The following ARHGAP31 variants were observed in gnomAD, a reference collection of about 807,000 sequenced individuals.
The protein encoded by ARHGAP31 is rho GTPase-activating protein 31.
In ARHGAP31, 34 loss-of-function variants were observed where a neutral mutation model predicts 113.9. The observed-to-expected ratio is 0.30, with a 90% CI of 0.23 to 0.40. ARHGAP31 has a LOEUF of 0.40. ARHGAP31 is among the 10% of genes least tolerant of loss of function. ARHGAP31 has a pLI of 1.00. For missense variants in ARHGAP31, 1,548 were observed against 1,767.1 expected, an observed-to-expected ratio of 0.88 and a Z score of 2.22; for synonymous variants, 650 against 684.8, an observed-to-expected ratio of 0.95 and a Z score of 0.79.
At position 119,295,072 on chromosome 3, in the gene ARHGAP31, C is replaced by CTG. The variant is rs1221794504; in HGVS notation, c.100+68_100+69insTG. The CTG allele has an allele frequency of 4.1e-6, 6 of 1,460,738 alleles. 1 individual carries two copies. The highest frequency in any genetic ancestry group is 4.8e-6 in the Non-Finnish European group (5 of 1,042,602). 90.5% of individuals were successfully genotyped at this position (1,460,738 alleles called of 1,614,324 possible). ...TGTTTGAGGGAGAGACGGACTCTCT[C>CTG]GAGTTGTGATAGAGTCGGTTCACAA... On this transcript the variant is annotated intron_variant, in intron 1 of 11. Transcript: ENST00000264245.
intron 1 of ARHGAP31, among the ~76,000 whole-genome samples, chr3:119,312,100 G>T (rs2079688220): frequency 6.6e-6 from 1 of 152,230 alleles, no homozygotes; most frequent in Admixed American, 6.5e-5. Context: ...GAGTGGTGAA[G>T]ACAAATGTGT....
Position 119,390,801 on chromosome 3 carries a change from G to A in ARHGAP31, c.699G>A (p.Met233Ile), listed in dbSNP as rs367917628. 1.6e-5 allele frequency: 25 copies of A among 1,612,560 alleles called. No homozygotes were observed. The highest frequency in any genetic ancestry group is 2.1e-5 in the Non-Finnish European group (25 of 1,180,024). ...SLENDENRPI[M>I]KSLTLPALSL... Reference sequence around the variant, plus strand: ...CCTTTACAGAAAACCGGCCCATCATGAAGAGCCTGACCTTGCCAGCCCTCT... The same window carrying A: ...CCTTTACAGAAAACCGGCCCATCATAAAGAGCCTGACCTTGCCAGCCCTCT... Residue 233 changes from methionine to isoleucine, a missense_variant, in exon 7 of 12, where the codon ATG becomes ATA. By Grantham distance (10) the Met-to-Ile change is conservative. Coordinates refer to ENST00000264245, the MANE Select transcript of ARHGAP31 (RefSeq NM_020754.4).
At chr3:119,368,831 G>T (rs536718288) in intron 3 of ARHGAP31, among the ~76,000 whole-genome samples, 1 of 152,296 alleles carries the variant, frequency 6.6e-6, no homozygotes, top group Non-Finnish European at 1.5e-5. Context: ...TCTGGCCCAA[G>T]GTCACACAGC....
chr3:119,306,637 G>T (rs761409923), intron 1 of ARHGAP31, among the ~76,000 whole-genome samples: 8 of 152,330 alleles, frequency 5.3e-5, no homozygotes, highest in Non-Finnish European at 1.2e-4. Context: ...CTACCGAATG[G>T]GTTCCATAGT....
intron 2 of ARHGAP31, among the ~76,000 whole-genome samples, chr3:119,367,752 G>A (rs886842964): frequency 6.6e-6 from 1 of 151,732 alleles, no homozygotes; most frequent in African/African-American, 2.4e-5. Context: ...CAGCTACTCA[G>A]AGGCTGAGGC....
chr3:119,300,940 A>G (rs1291371595), intron 1 of ARHGAP31, among the ~76,000 whole-genome samples: 2 of 152,100 alleles, frequency 1.3e-5, no homozygotes, highest in East Asian at 3.9e-4. Context: ...GAGCTTGTGG[A>G]GCAAGAACAG....
chr3:119,375,809 T>C (rs115648338), intron 3 of ARHGAP31, among the ~76,000 whole-genome samples: 2,262 of 152,338 alleles, frequency 0.015, 60 homozygotes, highest in African/African-American at 0.051. Flanking sequence ...TGTCAGAATG[T>C]ATATTTAGTT....
chr3:119,303,235 G>GT (rs552598436), intron 1 of ARHGAP31, among the ~76,000 whole-genome samples: 180 of 152,332 alleles, frequency 1.2e-3, no homozygotes, highest in Middle Eastern at 3.4e-3. Flanking sequence ...GAAAACCAGT[G>GT]TTTGTGCCCT....
chr3:119,360,894 G>A (rs1272264853), intron 1 of ARHGAP31, among the ~76,000 whole-genome samples: 2 of 152,208 alleles, frequency 1.3e-5, no homozygotes, highest in African/African-American at 4.8e-5. Flanking sequence ...GTGTACCTCT[G>A]TAGGAGGAGA....
At position 119,417,276 on chromosome 3, in the gene ARHGAP31, A is replaced by G. The variant is rs918431893; in HGVS notation, c.*1012A>G. On this transcript the variant is annotated 3_prime_UTR_variant, in exon 12 of 12. Coordinates refer to ENST00000264245, the MANE Select transcript of ARHGAP31 (RefSeq NM_020754.4). Reference sequence around the variant, plus strand: ...TCTAGCTCAGCTTTACTCTTCTTCCACACTAGGCTGGGCCCAGCAATACAG... The same window carrying G: ...TCTAGCTCAGCTTTACTCTTCTTCCGCACTAGGCTGGGCCCAGCAATACAG... 4.6e-5 allele frequency: 7 copies of G among 152,292 alleles called. No individual in the cohort carries two copies. The highest frequency in any genetic ancestry group is 9.6e-5 in the African/African-American group (4 of 41,550). The allele number at this position is 152,292 out of a possible 1,614,324, so 9.4% of individuals were successfully genotyped here.
rs371820727 is a variant in ARHGAP31 at position 119,415,959 on chromosome 3, C to T, written c.4030C>T (p.Pro1344Ser). ...TTTCCACAGGTCAAGGCCAGGAAGA[C>T]CTCAGAGCCTAATCTTATTCAGTCC... ...KPFHRSRPGR[P>S]QSLILFSPPF... Residue 1344 changes from proline to serine, a missense_variant, in exon 12 of 12, where the codon CCT becomes TCT. Physicochemically the swap from Pro to Ser is moderately conservative, Grantham distance 74. Coordinates refer to ENST00000264245, the MANE Select transcript of ARHGAP31 (RefSeq NM_020754.4). 5.0e-6 allele frequency: 8 copies of T among 1,614,048 alleles called. No individual in the cohort carries two copies. The South Asian group carries it at 7.7e-5, about 16-fold the overall frequency.
intron 1 of ARHGAP31, among the ~76,000 whole-genome samples, chr3:119,357,407 A>G (rs917270847): frequency 4.6e-5 from 7 of 152,190 alleles, no homozygotes; most frequent in Non-Finnish European, 7.3e-5. Context: ...GGAACACCGC[A>G]TTCCTGTGTG....
intron 1 of ARHGAP31, among the ~76,000 whole-genome samples, chr3:119,350,717 TATA>T (rs1201418285): frequency 6.6e-6 from 1 of 152,240 alleles, no homozygotes; most frequent in African/African-American, 2.4e-5. Context: ...AGGAGATATG[TATA>T]AACCTCTTGA....
At chr3:119,381,810 C>T (rs888715399) in intron 4 of ARHGAP31, among the ~76,000 whole-genome samples, 2 of 152,182 alleles carry the variant, frequency 1.3e-5, no homozygotes, top group African/African-American at 2.4e-5. Context: ...CACGGTGAAA[C>T]CCCGTCTCTA....
rs779402585 is a variant in ARHGAP31 at position 119,415,495 on chromosome 3, C to T, written c.3566C>T (p.Ser1189Phe). 2 of 1,614,056 alleles carry T rather than the reference C, an allele frequency of 1.2e-6. No individual in the cohort carries two copies. Among genetic ancestry groups the T allele is most frequent in the Non-Finnish European group, 1.7e-6 (2 of 1,180,024 alleles). The change falls in exon 12 of 12, where the codon TCC becomes TTC. Residue 1189 changes from serine to phenylalanine, a missense_variant. Transcript: ENST00000264245. ...APVSVSAVRT[S>F]FMVKMCQARA... is the part of the protein sequence containing the mutation. ...GTGAGTGTGTCAGCTGTGAGAACCT[C>T]CTTCATGGTCAAAATGTGCCAGGCC...
intron 1 of ARHGAP31, among the ~76,000 whole-genome samples, chr3:119,348,344 C>A (rs1165658189): frequency 6.6e-6 from 1 of 152,214 alleles, no homozygotes; most frequent in Non-Finnish European, 1.5e-5. Flanking sequence ...TGACCCTGGT[C>A]CATGGAAAAA....
At chr3:119,336,444 G>A (rs755527563) in intron 1 of ARHGAP31, among the ~76,000 whole-genome samples, 5 of 152,128 alleles carry the variant, frequency 3.3e-5, no homozygotes, top group Non-Finnish European at 7.3e-5. Flanking sequence ...AGCAGCGGGA[G>A]AGGGACACCT....
intron 11 of ARHGAP31, among the ~76,000 whole-genome samples, chr3:119,412,685 T>C (rs976747239): frequency 1.3e-5 from 2 of 152,238 alleles, no homozygotes; most frequent in Non-Finnish European, 1.5e-5. Context: ...TATTTTAATA[T>C]GTATTCATAT....
chr3:119,388,086 T>G (rs1470939475), intron 6 of ARHGAP31, among the ~76,000 whole-genome samples: 1 of 152,130 alleles, frequency 6.6e-6, no homozygotes, highest in Non-Finnish European at 1.5e-5. Flanking sequence ...CATTGGCCAA[T>G]GTGGCTGGAA....
Sources: gnomAD v4.1 joint callset for allele counts (sites outside exome capture counted in the v4.1 genomes callset) on GRCh38, gnomAD v4.1.1 for gene constraint, MANE v1.5 for transcripts, NCBI Gene and HGNC (gene_info 2026-07-23, HGNC 2026-07-21) for gene names.